Variants in TGM4 observed in about 807,000 individuals in gnomAD.
The protein encoded by TGM4 is transglutaminase 4.
In TGM4, 61 loss-of-function variants were observed where a neutral mutation model predicts 76.3. The ratio of observed to expected loss-of-function variants is 0.80; its 90% CI spans 0.65 to 0.99. The LOEUF is 0.99. Among genes scored for constraint, TGM4 ranks in the 50% least tolerant of loss-of-function variants. The probability of loss-of-function intolerance (pLI) is 0.00; values close to 1 mark genes in which losing one functional copy is unlikely to be tolerated. For synonymous variants in TGM4, 337 were observed against 329.8 expected (o/e 1.02, Z -0.24); for missense variants, 794 against 843.2 (o/e 0.94, Z 0.72).
intron 6 of TGM4, among the ~76,000 whole-genome samples, chr3:44,897,353 C>A (rs985515941): frequency 6.6e-6 from 1 of 152,172 alleles, no homozygotes; most frequent in African/African-American, 2.4e-5. Flanking sequence ...TATGGGCTGA[C>A]GTTAGGTGTA....
intron 10 of TGM4, among the ~76,000 whole-genome samples, chr3:44,907,800 G>C (rs534772358): frequency 1.1e-4 from 17 of 152,292 alleles, no homozygotes; most frequent in African/African-American, 4.1e-4. Flanking sequence ...TGTTCTTGAT[G>C]TTCCTCAATC....
intron 11 of TGM4, 124 bp downstream of exon 11, chr3:44,910,492 C>T: frequency 8.1e-7 from 1 of 1,240,532 alleles, no homozygotes; most frequent in Non-Finnish European, 1.1e-6. Context: ...TTAACACAAA[C>T]ATTTATTGAG....
intron 6 of TGM4, 108 bp downstream of exon 6, chr3:44,896,924 C>T: frequency 2.6e-6 from 2 of 769,892 alleles, no homozygotes; most frequent in Non-Finnish European, 4.4e-6. Flanking sequence ...CACCACTGTG[C>T]TATGGCCAAT....
chr3:44,900,801 G>C (rs1009134304), intron 6 of TGM4: 1 of 152,268 alleles, frequency 6.6e-6, no homozygotes, highest in African/African-American at 2.4e-5. Context: ...AACTCACAAG[G>C]CTTTGTCCTC....
rs141023462 is a variant in TGM4, at chr3:44,901,671, T to C, written c.805T>C (p.Trp269Arg). The part of the protein sequence containing the change: ...TKQAVCFGQC[W>R]VFAGILTTVL... Reference sequence around the variant, plus strand: ...GCAGGCTGTGTGCTTTGGCCAGTGCTGGGTGTTTGCTGGGATCCTGACTAC... The same window carrying C: ...GCAGGCTGTGTGCTTTGGCCAGTGCCGGGTGTTTGCTGGGATCCTGACTAC... Residue 269 changes from tryptophan to arginine, a missense_variant, in exon 7 of 14, where the codon TGG becomes CGG. By Grantham distance (101) the Trp-to-Arg change is moderately radical. Coordinates refer to ENST00000296125, the MANE Select transcript of TGM4 (RefSeq NM_003241.4). 156 of 1,614,168 alleles carry C rather than the reference T, an allele frequency of 9.7e-5. No homozygotes were observed. In the African/African-American group the frequency reaches 1.7e-3, roughly 18 times the overall value.
In TGM4 at chr3:44,913,849, C is replaced by A. The variant is rs202042734; in HGVS notation, c.*124C>A. ...AGGGCAGATTCAAGAGCCAGCAGGTCAAAAAGGCCAACACAACCATAAGCA... is the reference window on the plus strand; with the variant it reads ...AGGGCAGATTCAAGAGCCAGCAGGTAAAAAAGGCCAACACAACCATAAGCA... On this transcript the variant is annotated 3_prime_UTR_variant, in exon 14 of 14. Coordinates refer to ENST00000296125, the MANE Select transcript of TGM4 (RefSeq NM_003241.4). 5.2e-6 allele frequency: 7 copies of A among 1,353,048 alleles called. No individual in the cohort carries two copies. Among genetic ancestry groups the A allele is most frequent in the Non-Finnish European group, 6.0e-6 (6 of 997,552 alleles). 83.8% of individuals were successfully genotyped at this position (1,353,048 alleles called of 1,614,324 possible). A position where few individuals can be genotyped will look rare whatever the true frequency, so the allele number is the denominator to read the frequency against.
chr3:44,890,419 G>A (rs1699675580), intron 3 of TGM4, 184 bp from the exon 4 acceptor site: 1 of 737,254 alleles, frequency 1.4e-6, no homozygotes, highest in Non-Finnish European at 2.2e-6. Context: ...CTGCTTTTCT[G>A]TCTCATGCAT....
intron 2 of TGM4, among the ~76,000 whole-genome samples, 184 bp downstream of exon 2, chr3:44,885,682 A>G (rs1036245476): frequency 1.3e-5 from 2 of 152,176 alleles, no homozygotes; most frequent in Non-Finnish European, 2.9e-5. Context: ...AAGCTCAGTC[A>G]GGACCTGGCA....
intron 1 of TGM4, among the ~76,000 whole-genome samples, chr3:44,879,299 T>G (rs893847941): frequency 1.6e-4 from 23 of 146,296 alleles, no homozygotes; most frequent in African/African-American, 5.5e-4. Context: ...TTTATTTAAT[T>G]TAATTAATTT....
intron 6 of TGM4, among the ~76,000 whole-genome samples, chr3:44,897,772 C>T (rs886647544): frequency 2.0e-5 from 3 of 152,190 alleles, no homozygotes; most frequent in Non-Finnish European, 4.4e-5. Flanking sequence ...AATTCCATTA[C>T]ATGTTAACAT....
chr3:44,892,497 A>G (rs1157573196), intron 4 of TGM4, among the ~76,000 whole-genome samples: 1 of 151,318 alleles, frequency 6.6e-6, no homozygotes, highest in African/African-American at 2.4e-5. Flanking sequence ...CAGCCTCCCA[A>G]GTAGCTGGGA....
chr3:44,882,676 TCCTA>T (rs1469545203), intron 1 of TGM4, among the ~76,000 whole-genome samples: 1 of 152,186 alleles, frequency 6.6e-6, no homozygotes, highest in Non-Finnish European at 1.5e-5. Flanking sequence ...TGGATTTAGG[TCCTA>T]CCTGGATAAT....
chr3:44,895,630 AAAAAAAT>A, intron 5 of TGM4, among the ~76,000 whole-genome samples: 1 of 152,246 alleles, frequency 6.6e-6, no homozygotes, highest in South Asian at 2.1e-4. Flanking sequence ...ACCCTCTCTC[AAAAAAAT>A]AAAAAATAAA....
At chr3:44,895,355 G>T (rs1410107141) in intron 5 of TGM4, among the ~76,000 whole-genome samples, 1 of 152,184 alleles carries the variant, frequency 6.6e-6, no homozygotes, top group Non-Finnish European at 1.5e-5. Flanking sequence ...GACTGGGTAT[G>T]GAGGCTCACA....
rs373829432 is a variant in TGM4, at chr3:44,901,921, G to A, written c.961G>A (p.Asp321Asn). 6.8e-6 allele frequency: 11 copies of A among 1,613,984 alleles called. No individual in the cohort carries two copies. Among genetic ancestry groups the A allele is most frequent in the South Asian group, 5.5e-5 (5 of 91,072 alleles). ...NGEKITSMTH[D>N]SVWNFHVWTD... ...CGAGAAAATCACCAGTATGACCCACGACTCTGTCTGGTAGGGTTCCTCCTT... is the reference window on the plus strand; with the variant it reads ...CGAGAAAATCACCAGTATGACCCACAACTCTGTCTGGTAGGGTTCCTCCTT... The change falls in exon 8 of 14, where the codon GAC (aspartate) becomes AAC (asparagine). Residue 321 changes from aspartate to asparagine, a missense_variant. Physicochemically the swap from Asp to Asn is conservative, Grantham distance 23. Transcript: ENST00000296125.
intron 6 of TGM4, 53 bp downstream of exon 6, chr3:44,896,869 C>G: frequency 1.3e-6 from 2 of 1,507,514 alleles, no homozygotes; most frequent in Non-Finnish European, 1.8e-6. Flanking sequence ...AATTGCTCAG[C>G]CTTTTTCTGT....
At chr3:44,881,696 C>T (rs138815190) in intron 1 of TGM4, among the ~76,000 whole-genome samples, 3 of 152,340 alleles carry the variant, frequency 2.0e-5, no homozygotes, top group African/African-American at 7.2e-5. Context: ...TTCACAAGAG[C>T]TCATTAGCAA....
At chr3:44,887,875 C>A in intron 3 of TGM4, 80 bp downstream of exon 3, 1 of 1,234,560 alleles carries the variant, frequency 8.1e-7, no homozygotes, top group Non-Finnish European at 1.2e-6. Context: ...CTATCCCCTT[C>A]CTCACCTGTC....
rs537461000 is a variant in TGM4, at chr3:44,899,901, G to A, written c.658-1623G>A. ...TCAGAGTGAGCAAATAAGAGAGGGG[G>A]TGCCCAGGCTGGAAGCCACAGCCTT... is the stretch of plus-strand genomic sequence containing the variant. On this transcript the variant is annotated intron_variant, in intron 6 of 13. Transcript: ENST00000296125. Among the ~76,000 whole-genome samples the A allele has an allele frequency of 1.2e-4, 19 of 152,342 alleles. No homozygotes were observed. The South Asian group carries it at 3.9e-3, about 32-fold the overall frequency.
Sources: gnomAD v4.1 joint callset for allele counts (sites outside exome capture counted in the v4.1 genomes callset) on GRCh38, gnomAD v4.1.1 for gene constraint, MANE v1.5 for transcripts, NCBI Gene and HGNC (gene_info 2026-07-23, HGNC 2026-07-21) for gene names.